Variants in SLC38A10 observed in about 807,000 individuals in gnomAD.
The protein encoded by SLC38A10 is solute carrier family 38 member 10.
SLC38A10 carries 53 observed loss-of-function variants against 81.0 expected under a neutral mutation model. The observed-to-expected ratio is 0.65, with a 90% confidence interval of 0.53 to 0.82. The LOEUF (loss-of-function observed/expected upper bound fraction) is 0.82, where lower values mean the gene tolerates loss of function less well. SLC38A10 is among the 40% of genes least tolerant of loss of function. The pLI is 0.00. For missense variants in SLC38A10, 1,471 were observed against 1,545.0 expected (o/e 0.95, Z 0.80); for synonymous variants, 665 against 655.3 (o/e 1.01, Z -0.23).
chr17:81,247,149 G>A (rs1459072516), intron 14 of SLC38A10, 88 bp from the exon 15 acceptor site: 37 of 1,370,196 alleles, frequency 2.7e-5, no homozygotes, highest in Middle Eastern at 2.6e-4. Flanking sequence ...GCAAGGCAAC[G>A]CACAGGTCAC....
intron 14 of SLC38A10, among the ~76,000 whole-genome samples, chr17:81,250,460 G>A (rs904349553): frequency 1.3e-5 from 2 of 152,216 alleles, no homozygotes; most frequent in African/African-American, 2.4e-5. Flanking sequence ...GGCAGGAAGC[G>A]TGTGTCTTAC....
chr17:81,252,736 C>T (rs971069086), intron 12 of SLC38A10, 53 bp from the exon 13 acceptor site: 11 of 1,528,390 alleles, frequency 7.2e-6, no homozygotes, highest in Middle Eastern at 1.8e-4. Flanking sequence ...TCCTTCCCTT[C>T]CCAGGGAATT....
At chr17:81,293,082 G>A (rs1052000473) in intron 1 of SLC38A10, among the ~76,000 whole-genome samples, 4 of 152,362 alleles carry the variant, frequency 2.6e-5, no homozygotes, top group South Asian at 4.1e-4. Context: ...AGAATCACTC[G>A]AACCCTGGAG....
chr17:81,279,441 T>G (rs778946466), intron 6 of SLC38A10, among the ~76,000 whole-genome samples: 1 of 152,114 alleles, frequency 6.6e-6, no homozygotes, highest in Non-Finnish European at 1.5e-5. Context: ...CAGAAAACAT[T>G]CCTGGGTTCA....
At chr17:81,261,764 C>T (rs2063026073) in intron 10 of SLC38A10, among the ~76,000 whole-genome samples, 2 of 152,246 alleles carry the variant, frequency 1.3e-5, no homozygotes, top group Admixed American at 1.3e-4. Context: ...CCGCAATGTG[C>T]CTCGGGGCTT....
At position 81,253,594 on chromosome 17, in the gene SLC38A10, A is replaced by AC. The variant is rs1038052112; in HGVS notation, c.1289-355dup. ...CACCGTCATCACCGTCACCTCCACC[A>AC]CCACCACCACCATCACCGCTATCAT... On this transcript the variant is annotated intron_variant, in intron 11 of 15. Coordinates refer to ENST00000374759, the MANE Select transcript of SLC38A10 (RefSeq NM_001037984.3). The surrounding 1 kb of genome is among the most constrained non-coding windows in gnomAD (Gnocchi z 4.1). Among the ~76,000 whole-genome samples, 1 of 151,212 alleles carries AC rather than the reference A, an allele frequency of 6.6e-6. No individual in the cohort carries two copies. Among genetic ancestry groups the AC allele is most frequent in the African/African-American group, 2.4e-5 (1 of 40,994 alleles).
At position 81,281,356 on chromosome 17, in the gene SLC38A10, G is replaced by A. The variant is rs999692463; in HGVS notation, c.502-623C>T. ...GGAAGGTCCCAGGGGCTCGGGTCCT[G>A]GGGCTCCTATGGGCAGGGGCCTGGC... is the stretch of plus-strand genomic sequence containing the variant. On this transcript the variant is annotated intron_variant, in intron 5 of 15. Coordinates refer to ENST00000374759, the MANE Select transcript of SLC38A10 (RefSeq NM_001037984.3). This position sits in a 1 kb window ranked among gnomAD's most constrained non-coding sequence, Gnocchi z 5.3. 6.6e-6 allele frequency among the ~76,000 whole-genome samples: 1 copy of A among 152,116 alleles called. No homozygotes were observed. Among genetic ancestry groups the A allele is most frequent in the African/African-American group, 2.4e-5 (1 of 41,428 alleles).
In SLC38A10 at chr17:81,276,036, G is replaced by A. The variant is rs758435126; in HGVS notation, c.845C>T (p.Ala282Val). 1 of 1,613,982 alleles carries A rather than the reference G, an allele frequency of 6.2e-7. No individual in the cohort carries two copies. The highest frequency in any genetic ancestry group is 1.1e-5 in the South Asian group (1 of 91,090). Residue 282 changes from alanine to valine, a missense_variant, in exon 8 of 16, where the codon GCT becomes GTT. Transcript: ENST00000374759. This position sits in a 1 kb window ranked among gnomAD's most constrained non-coding sequence, Gnocchi z 4.7. ...MLRVGFMMSV[A>V]VGFPMMILPC... ...CAGGATCATCATGGGGAAGCCCACA[G>A]CCACTGACATCATGAAGCCCACACG...
At position 81,266,566 on chromosome 17, in the gene SLC38A10, C is replaced by G. The variant is rs148560311; in HGVS notation, c.1131+4352G>C. 7.7e-3 allele frequency among the ~76,000 whole-genome samples: 1,144 copies of G among 148,480 alleles called. 12 individuals carry two copies. The highest frequency in any genetic ancestry group is 0.027 in the African/African-American group (1,098 of 40,100). ...CCCAGGAGGAGGGGCTTGCAGTGAG[C>G]AGAGATCGTGCCACTGCACTCCAGC... On this transcript the variant is annotated intron_variant, in intron 10 of 15. Coordinates refer to ENST00000374759, the MANE Select transcript of SLC38A10 (RefSeq NM_001037984.3).
At chr17:81,251,462 G>T in intron 14 of SLC38A10, 31 bp downstream of exon 14, 1 of 1,607,532 alleles carries the variant, frequency 6.2e-7, no homozygotes. Context: ...CCCTGGGCCT[G>T]AGGCAGGCGG....
intron 2 of SLC38A10, among the ~76,000 whole-genome samples, chr17:81,287,665 G>C (rs1048733006): frequency 2.0e-5 from 3 of 152,230 alleles, no homozygotes; most frequent in Non-Finnish European, 4.4e-5. Flanking sequence ...GCAGGTAAAG[G>C]TTGGAAGCTC....
Position 81,279,150 on chromosome 17 carries a change from GCCCTACTGTGAGGATGGGGA to G in SLC38A10, c.626+1439_626+1458del, listed in dbSNP as rs1188960029. On this transcript the variant is annotated intron_variant, in intron 6 of 15. Coordinates refer to ENST00000374759, the MANE Select transcript of SLC38A10 (RefSeq NM_001037984.3). ...GCAGCTCTTGGGTGTGTGCCCCTCT[GCCCTACTGTGAGGATGGGGA>G]CCCTGGTCTCCAGATAGACCCTGAC... 2.0e-5 allele frequency among the ~76,000 whole-genome samples: 3 copies of G among 152,208 alleles called. No individual in the cohort carries two copies. The East Asian group carries it at 5.8e-4, about 29-fold the overall frequency.
In SLC38A10 at chr17:81,276,170, T is replaced by C; in HGVS notation, c.730-19A>G. 6.3e-7 allele frequency: 1 copy of C among 1,589,056 alleles called. No homozygotes were observed. The highest frequency in any genetic ancestry group is 1.1e-5 in the South Asian group (1 of 88,522). On this transcript the variant is annotated intron_variant, in intron 7 of 15. Transcript: ENST00000374759. The surrounding 1 kb of genome is among the most constrained non-coding windows in gnomAD (Gnocchi z 4.7). The stretch of plus-strand genomic sequence containing the variant: ...ACCCCACCTGTTGGAGAATAAGAAA[T>C]GGCAACGTGGCAGACAGACATCCTA...
intron 1 of SLC38A10, among the ~76,000 whole-genome samples, chr17:81,293,905 G>A (rs991355787): frequency 3.3e-5 from 5 of 152,132 alleles, no homozygotes; most frequent in African/African-American, 4.8e-5. Flanking sequence ...ACTTAGAAAT[G>A]GCCATTTTCT....
intron 8 of SLC38A10, among the ~76,000 whole-genome samples, chr17:81,273,762 C>T (rs1411462380): frequency 6.6e-6 from 1 of 152,138 alleles, no homozygotes; most frequent in Non-Finnish European, 1.5e-5. Context: ...CGAAGACTGT[C>T]GTGAGATGGT....
At chr17:81,250,765 G>A (rs2062902878) in intron 14 of SLC38A10, 1 of 919,148 alleles carries the variant, frequency 1.1e-6, no homozygotes, top group African/African-American at 1.8e-5. Context: ...TGGCACAGAA[G>A]CCTGTCCCCA....
intron 14 of SLC38A10, among the ~76,000 whole-genome samples, chr17:81,250,575 C>G (rs1416496530): frequency 6.6e-6 from 1 of 152,254 alleles, no homozygotes; most frequent in African/African-American, 2.4e-5. Flanking sequence ...GCGACCCCCA[C>G]ACAGATCCCT....
intron 14 of SLC38A10, chr17:81,251,194 A>C: frequency 6.5e-7 from 1 of 1,538,028 alleles, no homozygotes; most frequent in Non-Finnish European, 8.7e-7. Flanking sequence ...TCACAAGCCA[A>C]GTGACAATGC....
At position 81,283,465 on chromosome 17, in the gene SLC38A10, A is replaced by G; in HGVS notation, c.301T>C (p.Tyr101His). 6.2e-7 allele frequency: 1 copy of G among 1,612,452 alleles called. No homozygotes were observed. The change falls in exon 4 of 16, where the codon TAC (tyrosine) becomes CAC (histidine). Residue 101 changes from tyrosine (Y) to histidine (H), a missense_variant. This residue lies in a region of SLC38A10 where 720 missense variants were observed against 827.7 expected (regional missense o/e 0.87). Transcript: ENST00000374759. This position sits in a 1 kb window ranked among gnomAD's most constrained non-coding sequence, Gnocchi z 4.7. ...GACCCCAAGTCGCCGATCACGACGTAGAAGGCGATGCAGGTGCCCAGCATC... is the reference window on the plus strand; with the variant it reads ...GACCCCAAGTCGCCGATCACGACGTGGAAGGCGATGCAGGTGCCCAGCATC... Reference protein sequence around the residue: ...GLMLGTCIAFYVVIGDLGSNF... With the variant: ...GLMLGTCIAFHVVIGDLGSNF...
Sources: gnomAD v4.1 joint callset for allele counts (sites outside exome capture counted in the v4.1 genomes callset) on GRCh38, gnomAD v4.1.1 for gene constraint, gnomAD v4.1.1 regional missense constraint, Gnocchi (gnomAD v3.1) non-coding constraint, MANE v1.5 for transcripts, NCBI Gene and HGNC (gene_info 2026-07-23, HGNC 2026-07-21) for gene names.